RALGAPA1: variants seen among roughly 807,000 people sequenced by gnomAD.
RALGAPA1 encodes ral GTPase-activating protein subunit alpha-1.
In RALGAPA1, 52 loss-of-function variants were observed where a neutral mutation model predicts 269.6. The observed-to-expected ratio is 0.19, with a 90% CI of 0.15 to 0.24. The LOEUF is 0.24. RALGAPA1 is among the 10% of genes least tolerant of loss of function. The pLI is 1.00. For synonymous variants in RALGAPA1, 817 were observed against 1,008.3 expected (o/e 0.81, Z 3.60); for missense variants, 1,917 against 3,013.9 (o/e 0.64, Z 8.52).
At position 35,623,890 on chromosome 14, in the gene RALGAPA1, T is replaced by C. The variant is rs1484739426; in HGVS notation, c.6929+1471A>G. Among the ~76,000 whole-genome samples the C allele has an allele frequency of 4.6e-5, 7 of 152,232 alleles. No individual in the cohort carries two copies. In the East Asian group the frequency reaches 1.4e-3, roughly 29 times the overall value. Reference sequence around the variant, plus strand: ...GTCAGGCGATCGAGACCATTCTGGCTAACATGGTGAAACCCTGTTTCTACT... The same window carrying C: ...GTCAGGCGATCGAGACCATTCTGGCCAACATGGTGAAACCCTGTTTCTACT... On this transcript the variant is annotated intron_variant, in intron 35 of 41. Coordinates refer to ENST00000680220, the MANE Select transcript of RALGAPA1 (RefSeq NM_001346249.2).
intron 1 of RALGAPA1, among the ~76,000 whole-genome samples, chr14:35,784,602 T>C (rs1294915792): frequency 6.6e-6 from 1 of 152,150 alleles, no homozygotes; most frequent in Non-Finnish European, 1.5e-5. Context: ...CCTACCTGGC[T>C]AACTGAATCT....
chr14:35,601,017 G>A (rs1489039193), intron 36 of RALGAPA1, among the ~76,000 whole-genome samples: 1 of 152,212 alleles, frequency 6.6e-6, no homozygotes, highest in Non-Finnish European at 1.5e-5. Context: ...CTGTCAGGTG[G>A]AGGTAAAATT....
At chr14:35,802,853 T>C (rs1287598980) in intron 1 of RALGAPA1, among the ~76,000 whole-genome samples, 2 of 151,864 alleles carry the variant, frequency 1.3e-5, no homozygotes, top group Non-Finnish European at 2.9e-5. Context: ...AGCTATTTCT[T>C]TTTTTTCTCT....
chr14:35,697,335 TTTTTG>T (rs148372620), intron 17 of RALGAPA1, among the ~76,000 whole-genome samples: 18,048 of 151,584 alleles, frequency 0.12, 1,107 homozygotes, highest in South Asian at 0.13. Flanking sequence ...ACAGTGTTTT[TTTTTG>T]TTTTGTTTTG....
chr14:35,615,398 T>C (rs767416132), intron 35 of RALGAPA1, among the ~76,000 whole-genome samples: 83 of 152,170 alleles, frequency 5.5e-4, no homozygotes, highest in Non-Finnish European at 9.9e-4. Context: ...GTGAGGTAAG[T>C]CTGTTAACAA....
intron 3 of RALGAPA1, among the ~76,000 whole-genome samples, chr14:35,771,471 A>G (rs1050349717): frequency 1.3e-5 from 2 of 152,200 alleles, no homozygotes; most frequent in African/African-American, 2.4e-5. Context: ...TAGTATTGAC[A>G]TTATTTTAGC....
chr14:35,653,057 T>TA (rs2062949807), intron 30 of RALGAPA1, among the ~76,000 whole-genome samples: 1 of 152,196 alleles, frequency 6.6e-6, no homozygotes, highest in African/African-American at 2.4e-5. Flanking sequence ...AGTGCTGTAA[T>TA]AGAGTCTGGT....
chr14:35,722,691 C>T (rs923511413), intron 15 of RALGAPA1, among the ~76,000 whole-genome samples: 1 of 151,484 alleles, frequency 6.6e-6, no homozygotes, highest in Admixed American at 6.6e-5. Context: ...TAGGCTACTG[C>T]CCCACTCCCT....
chr14:35,738,926 T>C (rs2071295339), intron 11 of RALGAPA1, among the ~76,000 whole-genome samples: 1 of 152,192 alleles, frequency 6.6e-6, no homozygotes, highest in African/African-American at 2.4e-5. Context: ...ATAGGTCTAA[T>C]GTATAAACCT....
At chr14:35,588,578 G>A (rs1213343969) in intron 37 of RALGAPA1, among the ~76,000 whole-genome samples, 1 of 152,040 alleles carries the variant, frequency 6.6e-6, no homozygotes, top group Admixed American at 6.6e-5. Flanking sequence ...TATCCTATTA[G>A]AATGACTATT....
intron 1 of RALGAPA1, 49 bp from the exon 2 acceptor site, chr14:35,775,794 A>G (rs1297189860): frequency 4.9e-6 from 7 of 1,435,798 alleles, no homozygotes; most frequent in Non-Finnish European, 6.4e-6. Context: ...TGTTAAATCA[A>G]GTTTAGCAAA....
chr14:35,615,612 G>A (rs2139386787), intron 35 of RALGAPA1, among the ~76,000 whole-genome samples: 1 of 152,218 alleles, frequency 6.6e-6, no homozygotes, highest in African/African-American at 2.4e-5. Flanking sequence ...TAAATGTCAT[G>A]CATTCATTTA....
Position 35,723,010 on chromosome 14 carries a change from C to G in RALGAPA1, c.2104+17G>C. The G allele has an allele frequency of 6.5e-7, 1 of 1,526,904 alleles. No individual in the cohort carries two copies. The highest frequency in any genetic ancestry group is 9.1e-7 in the Non-Finnish European group (1 of 1,104,246). The allele number at this position is 1,526,904 out of a possible 1,614,324, so 94.6% of individuals were successfully genotyped here. ...TTAAACAAATTTATATAGAGCATCTCTATGAACAATTCTTACCTTTCCCTT... is the reference window on the plus strand; with the variant it reads ...TTAAACAAATTTATATAGAGCATCTGTATGAACAATTCTTACCTTTCCCTT... On this transcript the variant is annotated intron_variant, in intron 15 of 41. Transcript: ENST00000680220.
rs114829049 is a variant in RALGAPA1 at position 35,680,540 on chromosome 14, A to C, written c.4472-2438T>G. ...CTAAGATTTTAAATACTTTTATATC[A>C]GCTATCACAGAATCACCAGAGAATC... On this transcript the variant is annotated intron_variant, in intron 21 of 41. Coordinates refer to ENST00000680220, the MANE Select transcript of RALGAPA1 (RefSeq NM_001346249.2). Among the ~76,000 whole-genome samples, 409 of 152,236 alleles carry C rather than the reference A, an allele frequency of 2.7e-3. 2 individuals carry two copies. Among genetic ancestry groups the C allele is most frequent in the African/African-American group, 9.4e-3 (391 of 41,556 alleles).
intron 26 of RALGAPA1, among the ~76,000 whole-genome samples, chr14:35,669,099 T>A (rs1054382988): frequency 3.3e-5 from 5 of 152,198 alleles, no homozygotes; most frequent in Admixed American, 2.0e-4. Flanking sequence ...ATATTTTCCA[T>A]GAAACCTCCA....
At chr14:35,792,489 G>C (rs1411653911) in intron 1 of RALGAPA1, among the ~76,000 whole-genome samples, 1 of 151,892 alleles carries the variant, frequency 6.6e-6, no homozygotes, top group Non-Finnish European at 1.5e-5. Context: ...TAGAAAGATT[G>C]CTACAGGACC....
intron 35 of RALGAPA1, among the ~76,000 whole-genome samples, chr14:35,606,768 A>AC (rs993518629): frequency 3.3e-5 from 5 of 151,818 alleles, no homozygotes; most frequent in African/African-American, 9.7e-5. Context: ...AAAAAAAAAA[A>AC]AACCCTGCAA....
At chr14:35,651,688 G>C in intron 31 of RALGAPA1, 117 bp downstream of exon 31, 1 of 876,600 alleles carries the variant, frequency 1.1e-6, no homozygotes, top group Non-Finnish European at 1.6e-6. Flanking sequence ...TCACATTATA[G>C]TAGATTCTGA....
chr14:35,581,616 A>G (rs1373863516), intron 37 of RALGAPA1, among the ~76,000 whole-genome samples: 1 of 152,214 alleles, frequency 6.6e-6, no homozygotes, highest in East Asian at 1.9e-4. Flanking sequence ...AATAGGCAAT[A>G]AGCACATGAA....
Sources: gnomAD v4.1 joint callset for allele counts (sites outside exome capture counted in the v4.1 genomes callset) on GRCh38, gnomAD v4.1.1 for gene constraint, MANE v1.5 for transcripts, NCBI Gene and HGNC (gene_info 2026-07-23, HGNC 2026-07-21) for gene names.